Variants in DLG2 observed in about 807,000 individuals in gnomAD.
DLG2 encodes the protein discs large MAGUK scaffold protein 2.
A neutral mutation model predicts 132.5 loss-of-function variants in DLG2; 45 were observed. The ratio of observed to expected loss-of-function variants is 0.34; its 90% confidence interval spans 0.27 to 0.44. The LOEUF (loss-of-function observed/expected upper bound fraction) is 0.44, where lower values mean the gene tolerates loss of function less well. Ranked by LOEUF, DLG2 falls within the 20% of genes least tolerant of loss-of-function variation. The pLI is 1.00. For missense variants in DLG2, 1,045 were observed against 1,196.9 expected (o/e 0.87, Z 1.87); for synonymous variants, 424 against 419.6 (o/e 1.01, Z -0.13).
intron 6 of DLG2, among the ~76,000 whole-genome samples, chr11:84,953,742 A>G (rs1417959208): frequency 6.6e-6 from 1 of 152,126 alleles, no homozygotes; most frequent in African/African-American, 2.4e-5. Flanking sequence ...CTAGAATGCA[A>G]AACTAATCAT....
intron 3 of DLG2, among the ~76,000 whole-genome samples, chr11:85,382,674 G>C (rs563606228): frequency 6.6e-6 from 1 of 152,132 alleles, no homozygotes; most frequent in South Asian, 2.1e-4. Flanking sequence ...TATTAAATGG[G>C]CAAATATTTG....
At chr11:83,750,354 C>T (rs2093221383) in intron 18 of DLG2, among the ~76,000 whole-genome samples, 3 of 152,130 alleles carry the variant, frequency 2.0e-5, no homozygotes, top group African/African-American at 7.2e-5. Flanking sequence ...ATTCTGAATA[C>T]CTGAATTGCA....
intron 7 of DLG2, among the ~76,000 whole-genome samples, chr11:84,394,980 G>A (rs2098806346): frequency 6.6e-6 from 1 of 152,028 alleles, no homozygotes; most frequent in Admixed American, 6.6e-5. Context: ...TGTAATGCCT[G>A]TTGGATACTC....
At chr11:84,104,338 C>A (rs944372576) in intron 9 of DLG2, among the ~76,000 whole-genome samples, 39 of 152,040 alleles carry the variant, frequency 2.6e-4, no homozygotes, top group African/African-American at 9.4e-4. Context: ...CCAAACACTG[C>A]ATATTCTCAC....
intron 6 of DLG2, among the ~76,000 whole-genome samples, chr11:84,711,330 A>AGAGAG (rs2060394622): frequency 2.1e-5 from 1 of 48,420 alleles, no homozygotes; most frequent in East Asian, 9.2e-4. Flanking sequence ...CAGAACCAGT[A>AGAGAG]AGAGAGAGAG....
At chr11:84,069,180 C>G (rs1033476490) in intron 10 of DLG2, among the ~76,000 whole-genome samples, 1 of 152,180 alleles carries the variant, frequency 6.6e-6, no homozygotes, top group Non-Finnish European at 1.5e-5. Flanking sequence ...CCTAGGTGAT[C>G]CTGGTAATGC....
intron 6 of DLG2, among the ~76,000 whole-genome samples, chr11:84,755,502 C>A (rs2066743749): frequency 6.6e-6 from 1 of 152,226 alleles, no homozygotes; most frequent in African/African-American, 2.4e-5. Context: ...CGGCTCACTG[C>A]AAGCTCCGCT....
chr11:84,425,038 C>T (rs190468704), intron 7 of DLG2, among the ~76,000 whole-genome samples: 1 of 152,198 alleles, frequency 6.6e-6, no homozygotes, highest in African/African-American at 2.4e-5. Context: ...CCAATCTATA[C>T]CTAAACTTCC....
At chr11:84,425,502 A>G (rs2098963517) in intron 7 of DLG2, among the ~76,000 whole-genome samples, 1 of 152,174 alleles carries the variant, frequency 6.6e-6, no homozygotes, top group African/African-American at 2.4e-5. Context: ...GTATTACAAA[A>G]GCCATTTTCA....
In DLG2 at chr11:85,322,244, G is replaced by A. The variant is rs371278728; in HGVS notation, c.41-36879C>T. 1.4e-4 allele frequency among the ~76,000 whole-genome samples: 21 copies of A among 151,838 alleles called. 1 individual carries two copies. Among genetic ancestry groups the A allele is most frequent in the Admixed American group, 8.5e-4 (13 of 15,228 alleles). On this transcript the variant is annotated intron_variant, in intron 3 of 27. Transcript: ENST00000376104. ...CACCGCCACCCATAAGCCCCTTTCC[G>A]TGTAAATTTTCCTATCCATTCAGCT...
At chr11:84,945,894 G>A (rs2050136682) in intron 6 of DLG2, among the ~76,000 whole-genome samples, 2 of 152,048 alleles carry the variant, frequency 1.3e-5, no homozygotes, top group African/African-American at 4.8e-5. Flanking sequence ...CTATTCAACT[G>A]CAGCTGAGCT....
chr11:83,887,571 A>C (rs1453247081), intron 15 of DLG2, among the ~76,000 whole-genome samples: 3 of 152,092 alleles, frequency 2.0e-5, no homozygotes, highest in Non-Finnish European at 4.4e-5. Flanking sequence ...TCAATAGAAA[A>C]AGAGGGAATC....
rs371131136 is a variant in DLG2 at position 84,802,365 on chromosome 11, CCAG to C, written c.358-267637_358-267635del. 1.5e-3 allele frequency among the ~76,000 whole-genome samples: 222 copies of C among 149,776 alleles called. 2 individuals are homozygous for C. The highest frequency in any genetic ancestry group is 3.8e-3 in the African/African-American group (157 of 41,010). ...AAGGAATAATGAAGCACTCCGGAAC[CCAG>C]CAGCAGCAGCAGCAGCAGCAGCAGC... On this transcript the variant is annotated intron_variant, in intron 6 of 27. Coordinates refer to ENST00000376104, the MANE Select transcript of DLG2 (RefSeq NM_001142699.3).
intron 6 of DLG2, among the ~76,000 whole-genome samples, chr11:84,943,849 AGAT>A (rs1182597129): frequency 6.6e-6 from 1 of 152,124 alleles, no homozygotes; most frequent in East Asian, 1.9e-4. Flanking sequence ...TTGTACCTTC[AGAT>A]GATTTCTTAT....
chr11:84,349,226 C>G (rs984399602), intron 7 of DLG2, among the ~76,000 whole-genome samples: 1 of 152,024 alleles, frequency 6.6e-6, no homozygotes, highest in Non-Finnish European at 1.5e-5. Flanking sequence ...ATTAGTAAAG[C>G]CAGAAGTAGG....
intron 6 of DLG2, among the ~76,000 whole-genome samples, chr11:84,700,267 C>G (rs905069824): frequency 6.6e-6 from 1 of 151,268 alleles, no homozygotes; most frequent in African/African-American, 2.4e-5. Flanking sequence ...TTGGAGTACA[C>G]TGAAATCAAA....
chr11:85,114,995 T>C (rs2073359922), intron 5 of DLG2, among the ~76,000 whole-genome samples: 2 of 151,930 alleles, frequency 1.3e-5, no homozygotes, highest in South Asian at 4.1e-4. Flanking sequence ...TTCATTAAAA[T>C]AGCATGTTCT....
chr11:83,859,228 G>A (rs532944088), intron 16 of DLG2, among the ~76,000 whole-genome samples: 1 of 152,338 alleles, frequency 6.6e-6, no homozygotes, highest in East Asian at 1.9e-4. Flanking sequence ...AGTGACTTTG[G>A]AACTGGGTAA....
chr11:85,139,980 T>C (rs1472660261), intron 5 of DLG2, among the ~76,000 whole-genome samples: 5 of 152,012 alleles, frequency 3.3e-5, no homozygotes, highest in Admixed American at 1.3e-4. Flanking sequence ...CTCCATGTCA[T>C]GGCAAGTGGA....
Sources: allele counts gnomAD v4.1 joint callset (sites outside exome capture counted in the v4.1 genomes callset), GRCh38; gene constraint gnomAD v4.1.1; transcripts MANE v1.5; gene names NCBI Gene and HGNC (gene_info 2026-07-23, HGNC 2026-07-21).